The following EPHB1 variants were observed in gnomAD, a reference collection of about 807,000 sequenced individuals.
EPHB1 encodes the protein EPH receptor B1, also known as ephrin type-B receptor 1.
In EPHB1, 30 loss-of-function variants were observed where a neutral mutation model predicts 94.4. The ratio of observed to expected loss-of-function variants is 0.32; its 90% CI spans 0.24 to 0.43. The LOEUF is 0.43. Ranked by LOEUF, EPHB1 falls within the 20% of genes least tolerant of loss-of-function variation. The probability of loss-of-function intolerance (pLI) is 1.00; values close to 1 mark genes in which losing one functional copy is unlikely to be tolerated. For missense variants in EPHB1, 1,055 were observed against 1,308.3 expected, an observed-to-expected ratio of 0.81 and a Z score of 2.99; for synonymous variants, 522 against 489.1, an observed-to-expected ratio of 1.07 and a Z score of -0.89.
At chr3:134,835,559 G>A (rs2036658793) in intron 1 of EPHB1, among the ~76,000 whole-genome samples, 1 of 152,200 alleles carries the variant, frequency 6.6e-6, no homozygotes, top group Admixed American at 6.5e-5. Context: ...AGCCCAGAGA[G>A]GTGAAGTGAT....
At chr3:135,107,169 AG>A (rs1170154834) in intron 4 of EPHB1, among the ~76,000 whole-genome samples, 2 of 152,238 alleles carry the variant, frequency 1.3e-5, no homozygotes, top group Admixed American at 1.3e-4. Flanking sequence ...TCAAATGACA[AG>A]ACCAGTGGCC....
chr3:135,170,231 A>G (rs1466391106), intron 9 of EPHB1, among the ~76,000 whole-genome samples: 1 of 152,200 alleles, frequency 6.6e-6, no homozygotes, highest in Non-Finnish European at 1.5e-5. Context: ...AAACTGATGC[A>G]AAGGCTGAAG....
chr3:134,968,019 T>C (rs1009156530), intron 3 of EPHB1, among the ~76,000 whole-genome samples: 1 of 152,098 alleles, frequency 6.6e-6, no homozygotes, highest in Admixed American at 6.5e-5. Context: ...AGGACATGAG[T>C]CCATTTGCCA....
chr3:135,211,605 A>G (rs1448585437), intron 12 of EPHB1, among the ~76,000 whole-genome samples: 1 of 152,110 alleles, frequency 6.6e-6, no homozygotes, highest in Admixed American at 6.6e-5. Flanking sequence ...TCACTTTAAC[A>G]TTGTTGTTTC....
At position 135,165,970 on chromosome 3, in the gene EPHB1, G is replaced by T; in HGVS notation, c.1588G>T (p.Asp530Tyr). The change falls in exon 8 of 16, where the codon GAT becomes TAT. Residue 530 changes from aspartate to tyrosine, a missense_variant and splice_region_variant. Asp to Tyr is a radical substitution (Grantham distance 160). Coordinates refer to ENST00000398015, the MANE Select transcript of EPHB1 (RefSeq NM_004441.5). The part of the protein sequence containing the change: ...KMCFQTLTDD[D>Y]YKSELREQLP... ...TCTAATGCCTCTTTCTCACCTAGAT[G>T]ATTACAAGTCAGAGCTGAGGGAGCA... 6.2e-7 allele frequency: 1 copy of T among 1,613,716 alleles called. No individual in the cohort carries two copies. Among genetic ancestry groups the T allele is most frequent in the Non-Finnish European group, 8.5e-7 (1 of 1,179,646 alleles).
At chr3:135,219,901 G>T (rs1943236433) in intron 12 of EPHB1, among the ~76,000 whole-genome samples, 1 of 152,146 alleles carries the variant, frequency 6.6e-6, no homozygotes, top group Non-Finnish European at 1.5e-5. Context: ...TTGCCTTATG[G>T]GCCCTACACA....
intron 13 of EPHB1, among the ~76,000 whole-genome samples, chr3:135,242,900 C>A (rs377178456): frequency 2.0e-5 from 3 of 152,034 alleles, no homozygotes; most frequent in African/African-American, 7.2e-5. Context: ...CAATGTGGTA[C>A]AACTTTGTCT....
At chr3:134,990,682 G>A (rs527523226) in intron 3 of EPHB1, among the ~76,000 whole-genome samples, 21 of 152,270 alleles carry the variant, frequency 1.4e-4, no homozygotes, top group Admixed American at 1.2e-3. Flanking sequence ...TATAATCTGT[G>A]CTCATTCTCC....
chr3:135,007,608 A>C (rs1423933807), intron 3 of EPHB1, among the ~76,000 whole-genome samples: 1 of 152,148 alleles, frequency 6.6e-6, no homozygotes, highest in Non-Finnish European at 1.5e-5. Context: ...TCATGGCAGG[A>C]AGTGCATATT....
At chr3:134,881,862 C>T (rs2037737242) in intron 1 of EPHB1, among the ~76,000 whole-genome samples, 1 of 152,124 alleles carries the variant, frequency 6.6e-6, no homozygotes, top group African/African-American at 2.4e-5. Context: ...ACTGCCATGA[C>T]ATCTGACCAT....
chr3:135,161,297 C>T (rs1445189307), intron 6 of EPHB1, among the ~76,000 whole-genome samples: 1 of 152,108 alleles, frequency 6.6e-6, no homozygotes, highest in Non-Finnish European at 1.5e-5. Flanking sequence ...GAATGGGGCT[C>T]ATCCAGAGTA....
chr3:135,183,247 T>TCTTC (rs61228471), intron 10 of EPHB1, among the ~76,000 whole-genome samples: 29,457 of 90,508 alleles, frequency 0.33, 5,605 homozygotes, highest in Non-Finnish European at 0.38. Flanking sequence ...TCCCTCCCTT[T>TCTTC]CTTCCTTCCT....
intron 1 of EPHB1, among the ~76,000 whole-genome samples, chr3:134,884,143 G>C (rs909280957): frequency 1.3e-5 from 2 of 152,158 alleles, no homozygotes; most frequent in Non-Finnish European, 2.9e-5. Context: ...AGACTTCCAA[G>C]CCAGTGATGT....
chr3:135,119,129 A>G (rs1412339978), intron 4 of EPHB1, among the ~76,000 whole-genome samples: 1 of 152,098 alleles, frequency 6.6e-6, no homozygotes, highest in African/African-American at 2.4e-5. Flanking sequence ...ATGAGTGTGT[A>G]TTTTTTATAT....
rs61369813 is a variant in EPHB1, at chr3:134,959,966, C to CTTTTTT, written c.805+7951_805+7956dup. ...AGAATTTGAGCACAAACATCTGCAC[C>CTTTTTT]TTTTTTTTTTTTTTTTTTTTTTTTT... On this transcript the variant is annotated intron_variant, in intron 3 of 15. Coordinates refer to ENST00000398015, the MANE Select transcript of EPHB1 (RefSeq NM_004441.5). Among the ~76,000 whole-genome samples the CTTTTTT allele has an allele frequency of 1.4e-3, 154 of 107,392 alleles. 15 individuals are homozygous for CTTTTTT. The highest frequency in any genetic ancestry group is 3.3e-3 in the East Asian group (8 of 2,422). 70.5% of individuals were successfully genotyped at this position (107,392 alleles called of 152,430 possible).
intron 4 of EPHB1, among the ~76,000 whole-genome samples, chr3:135,120,206 T>G (rs1261395882): frequency 6.6e-6 from 1 of 152,240 alleles, no homozygotes; most frequent in Non-Finnish European, 1.5e-5. Flanking sequence ...ACTTTGGGGA[T>G]GATTCTCTTC....
chr3:135,147,771 G>A (rs1359626225), intron 5 of EPHB1, among the ~76,000 whole-genome samples: 1 of 152,200 alleles, frequency 6.6e-6, no homozygotes, highest in Non-Finnish European at 1.5e-5. Flanking sequence ...AGAGTTGCTA[G>A]AGCATTTGCC....
At chr3:134,940,466 A>G (rs2039089196) in intron 2 of EPHB1, among the ~76,000 whole-genome samples, 1 of 152,222 alleles carries the variant, frequency 6.6e-6, no homozygotes, top group Non-Finnish European at 1.5e-5. Context: ...CTGCCCTGGC[A>G]ACCTCTCCAG....
At chr3:135,119,846 C>T (rs989135602) in intron 4 of EPHB1, among the ~76,000 whole-genome samples, 1 of 152,164 alleles carries the variant, frequency 6.6e-6, no homozygotes, top group Non-Finnish European at 1.5e-5. Flanking sequence ...TATCAGTATT[C>T]TTTTTTATCT....
Sources: allele counts gnomAD v4.1 joint callset (sites outside exome capture counted in the v4.1 genomes callset), GRCh38; gene constraint gnomAD v4.1.1; transcripts MANE v1.5; gene names NCBI Gene and HGNC (gene_info 2026-07-23, HGNC 2026-07-21).